Variants in CNTNAP2 observed in about 807,000 individuals in gnomAD.
The protein encoded by CNTNAP2 is contactin associated protein 2, also known as contactin-associated protein-like 2.
Under a neutral mutation model 155.2 loss-of-function variants are expected in CNTNAP2, and 98 were observed. The ratio of observed to expected loss-of-function variants is 0.63; its 90% CI spans 0.54 to 0.75. The LOEUF is 0.75. CNTNAP2 is among the 30% of genes least tolerant of loss of function. The pLI, the probability that CNTNAP2 is intolerant of heterozygous loss-of-function variation, is 0.00. For synonymous variants in CNTNAP2, 651 were observed against 631.2 expected, an observed-to-expected ratio of 1.03 and a Z score of -0.47; for missense variants, 1,727 against 1,688.1, an observed-to-expected ratio of 1.02 and a Z score of -0.40.
In CNTNAP2 at chr7:148,267,157, G is replaced by A. The variant is rs373599564; in HGVS notation, c.3475+31G>A. The A allele has an allele frequency of 9.3e-4, 1,432 of 1,547,288 alleles. 23 individuals are homozygous for A. Among genetic ancestry groups the A allele is most frequent in the Middle Eastern group, 2.9e-3 (17 of 5,952 alleles). On this transcript the variant is annotated intron_variant, in intron 21 of 23. Transcript: ENST00000361727. ...AATGTGGTTCGTTAGGTATAAATGC[G>A]TGCTACAAATACATTTGGGTAATGT...
intron 3 of CNTNAP2, among the ~76,000 whole-genome samples, chr7:147,002,944 C>CA (rs773401142): frequency 0.16 from 7,915 of 49,972 alleles, 233 homozygotes; most frequent in Non-Finnish European, 0.2. Flanking sequence ...ATGTTCCTTC[C>CA]AAAAAAAAAA....
chr7:147,627,701 AAAAAAAAAAAAAAG>A (rs1795010101), intron 12 of CNTNAP2, among the ~76,000 whole-genome samples: 3 of 150,652 alleles, frequency 2.0e-5, no homozygotes, highest in African/African-American at 7.3e-5. Context: ...CAAAAAAAAA[AAAAAAAAAAAAAAG>A]ATATTAAAAC....
chr7:146,862,505 A>T (rs1345086148), intron 3 of CNTNAP2, among the ~76,000 whole-genome samples: 1 of 150,122 alleles, frequency 6.7e-6, no homozygotes, highest in Non-Finnish European at 1.5e-5. Context: ...AAAACAAACA[A>T]AAAAAACGCT....
intron 3 of CNTNAP2, among the ~76,000 whole-genome samples, chr7:146,924,341 G>C (rs1433916293): frequency 6.6e-6 from 1 of 152,156 alleles, no homozygotes; most frequent in South Asian, 2.1e-4. Flanking sequence ...GTGACTTAAA[G>C]AGTCTTAATG....
intron 3 of CNTNAP2, among the ~76,000 whole-genome samples, chr7:147,001,480 A>G (rs1203433439): frequency 2.6e-5 from 4 of 152,140 alleles, no homozygotes; most frequent in African/African-American, 4.8e-5. Flanking sequence ...AGAAATTACC[A>G]TAGATCTTAA....
At chr7:147,167,030 G>A (rs896335584) in intron 8 of CNTNAP2, among the ~76,000 whole-genome samples, 1 of 152,002 alleles carries the variant, frequency 6.6e-6, no homozygotes, top group Non-Finnish European at 1.5e-5. Flanking sequence ...AGGCTGCTTT[G>A]TTTTTTTAAT....
intron 3 of CNTNAP2, among the ~76,000 whole-genome samples, chr7:147,039,522 C>T (rs936980630): frequency 5.3e-5 from 8 of 152,172 alleles, no homozygotes; most frequent in Non-Finnish European, 1.0e-4. Context: ...AGCTCCATCT[C>T]ATTCTTTTTT....
chr7:146,771,646 A>G (rs1802294621), intron 1 of CNTNAP2, among the ~76,000 whole-genome samples: 1 of 152,216 alleles, frequency 6.6e-6, no homozygotes, highest in African/African-American at 2.4e-5. Context: ...ACGCAGTATA[A>G]CTAAGAAAAA....
At chr7:146,705,299 T>A (rs554772566) in intron 1 of CNTNAP2, among the ~76,000 whole-genome samples, 2 of 152,208 alleles carry the variant, frequency 1.3e-5, no homozygotes, top group Non-Finnish European at 2.9e-5. Flanking sequence ...TTTCTCACAA[T>A]CCTGATAGGT....
intron 15 of CNTNAP2, chr7:148,014,300 C>T (rs1211940075): frequency 1.3e-5 from 2 of 149,472 alleles, no homozygotes; most frequent in East Asian, 3.9e-4. Flanking sequence ...AAAACCACCT[C>T]TCTTTGACTT....
intron 1 of CNTNAP2, among the ~76,000 whole-genome samples, chr7:146,678,909 A>G (rs1434684762): frequency 6.6e-6 from 1 of 152,208 alleles, no homozygotes; most frequent in East Asian, 1.9e-4. Context: ...TGCTTACTAT[A>G]AAGCTTTTCT....
intron 8 of CNTNAP2, among the ~76,000 whole-genome samples, chr7:147,168,786 C>A (rs1028731582): frequency 9.2e-5 from 14 of 152,102 alleles, no homozygotes; most frequent in Non-Finnish European, 1.9e-4. Context: ...TTCCAACAGA[C>A]TACTGCAAAC....
chr7:147,192,821 A>G (rs1483145136), intron 8 of CNTNAP2, among the ~76,000 whole-genome samples: 1 of 152,162 alleles, frequency 6.6e-6, no homozygotes, highest in East Asian at 1.9e-4. Flanking sequence ...AATAACTACA[A>G]TGCTTTCTAA....
At chr7:146,399,315 T>C (rs1795681164) in intron 1 of CNTNAP2, among the ~76,000 whole-genome samples, 1 of 152,122 alleles carries the variant, frequency 6.6e-6, no homozygotes. Context: ...GAGTAACATC[T>C]CCCCCAAACC....
intron 10 of CNTNAP2, among the ~76,000 whole-genome samples, chr7:147,471,547 T>A (rs1798215459): frequency 6.6e-6 from 1 of 152,248 alleles, no homozygotes; most frequent in Non-Finnish European, 1.5e-5. Flanking sequence ...TTAAGTATTG[T>A]CGTGTCTACG....
At chr7:147,950,682 T>C (rs1800913177) in intron 14 of CNTNAP2, among the ~76,000 whole-genome samples, 1 of 152,202 alleles carries the variant, frequency 6.6e-6, no homozygotes, top group Non-Finnish European at 1.5e-5. Context: ...CCTCAAAGCA[T>C]GCCACTTTGG....
At chr7:146,760,160 T>C (rs1243316038) in intron 1 of CNTNAP2, among the ~76,000 whole-genome samples, 1 of 152,126 alleles carries the variant, frequency 6.6e-6, no homozygotes, top group Non-Finnish European at 1.5e-5. Context: ...GAGCCAAACC[T>C]CCTATTTTAA....
intron 21 of CNTNAP2, among the ~76,000 whole-genome samples, chr7:148,309,375 C>A (rs1436831638): frequency 6.6e-6 from 1 of 152,142 alleles, no homozygotes; most frequent in Admixed American, 6.5e-5. Flanking sequence ...ATTGGGAACT[C>A]ATTTTATTTG....
chr7:147,190,133 C>T (rs1308948062), intron 8 of CNTNAP2, among the ~76,000 whole-genome samples: 3 of 152,088 alleles, frequency 2.0e-5, no homozygotes, highest in African/African-American at 7.2e-5. Context: ...TCATCTGTCA[C>T]ATATAGAGCT....
Sources: gnomAD v4.1 joint callset for allele counts (sites outside exome capture counted in the v4.1 genomes callset) on GRCh38, gnomAD v4.1.1 for gene constraint, MANE v1.5 for transcripts, NCBI Gene and HGNC (gene_info 2026-07-23, HGNC 2026-07-21) for gene names.